ATP8A1: variants seen among roughly 807,000 people sequenced by gnomAD.
ATP8A1 encodes ATPase phospholipid transporting 8A1.
Under a neutral mutation model 177.7 loss-of-function variants are expected in ATP8A1, and 90 were observed. The observed-to-expected ratio is 0.51, with a 90% confidence interval of 0.43 to 0.60. ATP8A1 has a LOEUF of 0.60. ATP8A1 is among the 20% of genes least tolerant of loss of function. The pLI, the probability that ATP8A1 is intolerant of heterozygous loss-of-function variation, is 0.00. For synonymous variants in ATP8A1, 493 were observed against 485.9 expected, an observed-to-expected ratio of 1.01 and a Z score of -0.19; for missense variants, 1,072 against 1,392.8, an observed-to-expected ratio of 0.77 and a Z score of 3.67.
chr4:42,484,448 T>C (rs1722000760), intron 25 of ATP8A1, among the ~76,000 whole-genome samples: 1 of 152,158 alleles, frequency 6.6e-6, no homozygotes, highest in Non-Finnish European at 1.5e-5. Context: ...ATGATGCTTA[T>C]AAAGGATATT....
intron 15 of ATP8A1, among the ~76,000 whole-genome samples, chr4:42,568,647 CAT>C (rs1186488574): frequency 3.9e-5 from 6 of 152,180 alleles, no homozygotes; most frequent in Non-Finnish European, 8.8e-5. Flanking sequence ...TGCTTGGTAG[CAT>C]AGTTTTCTAA....
Position 42,443,703 on chromosome 4 carries a change from G to A in ATP8A1, c.3016-31C>T, listed in dbSNP as rs757842591. On this transcript the variant is annotated intron_variant, in intron 32 of 36. Coordinates refer to ENST00000381668, the MANE Select transcript of ATP8A1 (RefSeq NM_006095.2). ...GAGCAAGGAAATCTGAGTCAAAAAAGTTTTATGTAGACCGAGTACACAAAT... is the reference window on the plus strand; with the variant it reads ...GAGCAAGGAAATCTGAGTCAAAAAAATTTTATGTAGACCGAGTACACAAAT... 16 of 946,088 alleles carry A rather than the reference G, an allele frequency of 1.7e-5. No individual in the cohort carries two copies. The Admixed American group carries it at 2.8e-4, about 16-fold the overall frequency. 58.6% of individuals were successfully genotyped at this position (946,088 alleles called of 1,614,324 possible).
intron 12 of ATP8A1, among the ~76,000 whole-genome samples, chr4:42,576,513 A>C (rs1393104495): frequency 7.1e-6 from 1 of 141,754 alleles, no homozygotes; most frequent in Admixed American, 7.0e-5. Context: ...AAAAGAGCAT[A>C]GTTTTTTACT....
chr4:42,599,605 C>A, intron 6 of ATP8A1, among the ~76,000 whole-genome samples: 1 of 152,100 alleles, frequency 6.6e-6, no homozygotes, highest in East Asian at 1.9e-4. Context: ...ATATCCCCTG[C>A]AGAAATACAA....
chr4:42,434,479 G>C (rs575890500), intron 33 of ATP8A1, among the ~76,000 whole-genome samples: 201 of 152,284 alleles, frequency 1.3e-3, no homozygotes, highest in African/African-American at 4.7e-3. Flanking sequence ...AAAGCACTTA[G>C]CTAAAGAAAA....
At chr4:42,459,800 A>AT (rs1173568299) in intron 27 of ATP8A1, among the ~76,000 whole-genome samples, 4 of 151,590 alleles carry the variant, frequency 2.6e-5, no homozygotes, top group Non-Finnish European at 5.9e-5. Flanking sequence ...TTATTTATTT[A>AT]TTTTTTTGAG....
chr4:42,446,277 C>T (rs1717242929), intron 31 of ATP8A1, among the ~76,000 whole-genome samples: 1 of 152,042 alleles, frequency 6.6e-6, no homozygotes, highest in Non-Finnish European at 1.5e-5. Context: ...CATACTTTTG[C>T]TTGTCTTTTA....
At chr4:42,421,879 TTC>T (rs1560305699) in intron 35 of ATP8A1, among the ~76,000 whole-genome samples, 1 of 152,194 alleles carries the variant, frequency 6.6e-6, no homozygotes, top group Non-Finnish European at 1.5e-5. Context: ...TAATTATAAT[TTC>T]TTTCTTACAA....
Position 42,431,088 on chromosome 4 carries a change from A to G in ATP8A1, c.3124-7383T>C, listed in dbSNP as rs184322504. On this transcript the variant is annotated intron_variant, in intron 33 of 36. Coordinates refer to ENST00000381668, the MANE Select transcript of ATP8A1 (RefSeq NM_006095.2). ...GGCAGAGATTTTCTTTCATGGTTGT[A>G]TTCCCAGAAACTAGAATAGCGCTTT... Among the ~76,000 whole-genome samples, 66 of 152,310 alleles carry G rather than the reference A, an allele frequency of 4.3e-4. 1 individual carries two copies. The highest frequency in any genetic ancestry group is 2.9e-3 in the Admixed American group (45 of 15,304).
intron 6 of ATP8A1, among the ~76,000 whole-genome samples, chr4:42,593,173 C>G (rs907178237): frequency 1.3e-5 from 2 of 152,018 alleles, no homozygotes. Context: ...CTAAAGAGAG[C>G]TCTTTCTAGT....
intron 24 of ATP8A1, among the ~76,000 whole-genome samples, chr4:42,489,675 C>T (rs549858848): frequency 2.0e-5 from 3 of 152,212 alleles, no homozygotes; most frequent in Admixed American, 6.5e-5. Flanking sequence ...TATTTACTGC[C>T]GGGAGTATTT....
intron 1 of ATP8A1, among the ~76,000 whole-genome samples, chr4:42,635,808 T>TATATATATATATATATATATAC (rs1553920622): frequency 1.8e-5 from 2 of 113,964 alleles, no homozygotes; most frequent in South Asian, 2.8e-4. Flanking sequence ...TATATATATA[T>TATATATATATATATATATATAC]ATACACATGT....
intron 1 of ATP8A1, among the ~76,000 whole-genome samples, chr4:42,643,573 C>A (rs566893276): frequency 1.3e-5 from 2 of 152,264 alleles, no homozygotes; most frequent in Admixed American, 6.5e-5. Flanking sequence ...CTTGACCACT[C>A]CCCATCATGT....
rs1738188906 is a variant in ATP8A1 at position 42,627,108 on chromosome 4, A to G, written c.51T>C (p.Gly17=). 1 of 1,609,728 alleles carries G rather than the reference A, an allele frequency of 6.2e-7. No homozygotes were observed. Among genetic ancestry groups the G allele is most frequent in the Non-Finnish European group, 8.5e-7 (1 of 1,176,224 alleles). The change falls in exon 2 of 37, where the codon GGT becomes GGC. Residue 17 remains glycine, a splice_region_variant and synonymous_variant. Coordinates refer to ENST00000381668, the MANE Select transcript of ATP8A1 (RefSeq NM_006095.2). Reference sequence around the variant, plus strand: ...CTGAAACATCATCTGTCTTCTCATAACCTTAAAAAGAGATCTTCTTATTGT... The same window carrying G: ...CTGAAACATCATCTGTCTTCTCATAGCCTTAAAAAGAGATCTTCTTATTGT... The part of the protein sequence containing the change: ...TVSEIRSRAE[G]YEKTDDVSEK...
intron 25 of ATP8A1, chr4:42,472,457 A>G (rs962851161): frequency 3.5e-5 from 11 of 312,520 alleles, no homozygotes; most frequent in Non-Finnish European, 6.9e-5. Context: ...GTTACAAGAA[A>G]GAGAAATTTG....
intron 20 of ATP8A1, among the ~76,000 whole-genome samples, chr4:42,536,241 A>G (rs1039252809): frequency 5.3e-5 from 8 of 152,252 alleles, no homozygotes; most frequent in Admixed American, 2.0e-4. Flanking sequence ...GAAGATCCAA[A>G]TAAGCTCAGT....
rs542250866 is a variant in ATP8A1 at position 42,440,912 on chromosome 4, T to TA, written c.3123+2652dup. 1.3e-3 allele frequency among the ~76,000 whole-genome samples: 25 copies of TA among 18,616 alleles called. No individual in the cohort carries two copies. The South Asian group carries it at 0.072, about 54-fold the overall frequency. 12.2% of individuals were successfully genotyped at this position (18,616 alleles called of 152,430 possible). On this transcript the variant is annotated intron_variant, in intron 33 of 36. Coordinates refer to ENST00000381668, the MANE Select transcript of ATP8A1 (RefSeq NM_006095.2). Reference sequence around the variant, plus strand: ...AGCTTTTGGGCAACCAAAACACACTTACGTACATAATTAATTATTTAGTGT... The same window carrying TA: ...AGCTTTTGGGCAACCAAAACACACTTAACGTACATAATTAATTATTTAGTGT...
At chr4:42,567,400 G>A (rs1429358590) in intron 15 of ATP8A1, among the ~76,000 whole-genome samples, 1 of 152,046 alleles carries the variant, frequency 6.6e-6, no homozygotes, top group Non-Finnish European at 1.5e-5. Flanking sequence ...TTAGCCAGGT[G>A]TGGTGGTGCA....
At chr4:42,635,025 A>G (rs1739131001) in intron 1 of ATP8A1, among the ~76,000 whole-genome samples, 1 of 152,232 alleles carries the variant, frequency 6.6e-6, no homozygotes, top group East Asian at 1.9e-4. Flanking sequence ...GGGAAAACTA[A>G]AAGTCTTAAA....
Sources: gnomAD v4.1 joint callset for allele counts (sites outside exome capture counted in the v4.1 genomes callset) on GRCh38, gnomAD v4.1.1 for gene constraint, MANE v1.5 for transcripts, NCBI Gene and HGNC (gene_info 2026-07-23, HGNC 2026-07-21) for gene names.